KANK1: variants seen among roughly 807,000 people sequenced by gnomAD.
KANK1 encodes the protein KN motif and ankyrin repeat domains 1, also known as KN motif and ankyrin repeat domain-containing protein 1.
Under a neutral mutation model 106.2 loss-of-function variants are expected in KANK1, and 109 were observed. That is an observed-to-expected ratio of 1.03 (90% CI 0.88 to 1.20). The LOEUF (loss-of-function observed/expected upper bound fraction) is 1.20, where lower values mean the gene tolerates loss of function less well. KANK1 is among the 50% of genes most tolerant of loss of function. The pLI is 0.00. For missense variants in KANK1, 2,399 were observed against 1,710.7 expected (o/e 1.40, Z -7.10); for synonymous variants, 873 against 652.2 (o/e 1.34, Z -5.16).
chr9:650,256 T>TG (rs1283051205), intron 1 of KANK1, among the ~76,000 whole-genome samples: 1 of 152,218 alleles, frequency 6.6e-6, no homozygotes, highest in Non-Finnish European at 1.5e-5. Context: ...GATTGGCCTC[T>TG]GTGCTTATTA....
At chr9:686,176 C>G (rs1474049460) in intron 2 of KANK1, among the ~76,000 whole-genome samples, 2 of 152,202 alleles carry the variant, frequency 1.3e-5, no homozygotes, top group African/African-American at 4.8e-5. Flanking sequence ...CTCTCTTCCT[C>G]TGTTCTCAGT....
chr9:684,284 G>C, intron 2 of KANK1: 1 of 985,410 alleles, frequency 1.0e-6, no homozygotes, highest in Non-Finnish European at 1.2e-6. Context: ...GTGAGTACCA[G>C]CCTATTTGAG....
At chr9:500,888 A>G (rs931490038), upstream of KANK1, among the ~76,000 whole-genome samples, 4 of 152,210 alleles carry the variant, frequency 2.6e-5, no homozygotes, top group Non-Finnish European at 5.9e-5. Flanking sequence ...AGAAAGCTCT[A>G]TTATTGGAAA....
At chr9:601,115 T>G (rs1050091814) in intron 1 of KANK1, among the ~76,000 whole-genome samples, 4 of 151,820 alleles carry the variant, frequency 2.6e-5, no homozygotes, top group Non-Finnish European at 5.9e-5. Flanking sequence ...TTTAAAAACT[T>G]TTTATTTTGA....
At chr9:636,342 C>T (rs1837135530) in intron 1 of KANK1, among the ~76,000 whole-genome samples, 1 of 152,192 alleles carries the variant, frequency 6.6e-6, no homozygotes, top group African/African-American at 2.4e-5. Flanking sequence ...CTCATATTAG[C>T]ACTGCTGATC....
rs748924250 is a variant in KANK1, at chr9:561,305, CACTT to C, written c.-84+56552_-84+56555del. 5.3e-5 allele frequency among the ~76,000 whole-genome samples: 8 copies of C among 152,272 alleles called. No homozygotes were observed. In the East Asian group the frequency reaches 1.3e-3, roughly 26 times the overall value. On this transcript the variant is annotated intron_variant, in intron 1 of 11. Transcript: ENST00000382297. ...TGGATATCATATACTATTTAGTAAT[CACTT>C]TTTTCACTTGATAGAGCATGTATAT...
chr9:570,623 T>A (rs1488623001), intron 1 of KANK1, among the ~76,000 whole-genome samples: 1 of 152,242 alleles, frequency 6.6e-6, no homozygotes, highest in Non-Finnish European at 1.5e-5. Context: ...AAACTGAGCA[T>A]TGGAGACTTA....
chr9:606,614 G>A (rs62531540), intron 1 of KANK1, among the ~76,000 whole-genome samples: 39,817 of 83,266 alleles, frequency 0.48, 6,942 homozygotes, highest in Admixed American at 0.52. Context: ...GTGTGTGTGT[G>A]TATATATTTA....
intron 1 of KANK1, among the ~76,000 whole-genome samples, chr9:650,720 G>A (rs953538005): frequency 7.9e-5 from 12 of 152,048 alleles, no homozygotes; most frequent in Admixed American, 3.3e-4. Flanking sequence ...TAAAGCTTAA[G>A]TATTGTCCCC....
chr9:598,542 G>C (rs890713996), intron 1 of KANK1, among the ~76,000 whole-genome samples: 1 of 143,204 alleles, frequency 7.0e-6, no homozygotes, highest in Non-Finnish European at 1.5e-5. Flanking sequence ...GCAGTGTCTT[G>C]TAATTTCCAG....
chr9:554,686 C>G (rs2061476440), intron 1 of KANK1, among the ~76,000 whole-genome samples: 1 of 152,208 alleles, frequency 6.6e-6, no homozygotes, highest in South Asian at 2.1e-4. Context: ...ACGATGTTAA[C>G]ATCACTCATA....
chr9:512,520 C>G (rs1000996383), intron 1 of KANK1, among the ~76,000 whole-genome samples: 3 of 152,114 alleles, frequency 2.0e-5, no homozygotes, highest in Non-Finnish European at 2.9e-5. Flanking sequence ...AAATGTGAAT[C>G]TCATCCAAAA....
intron 7 of KANK1, among the ~76,000 whole-genome samples, chr9:736,697 C>CAAAAA (rs35527047): frequency 7.0e-6 from 1 of 142,338 alleles, no homozygotes. Flanking sequence ...GACACCCTCT[C>CAAAAA]AAAAAAAAAA....
intron 1 of KANK1, among the ~76,000 whole-genome samples, chr9:618,290 C>T (rs1391800144): frequency 6.6e-6 from 1 of 152,146 alleles, no homozygotes; most frequent in Admixed American, 6.5e-5. Context: ...CTCACTGCAA[C>T]CTCCACCTGC....
Position 712,577 on chromosome 9 carries a change from G to C in KANK1, c.1811G>C (p.Ser604Thr), listed in dbSNP as rs754470891. ...GAAGTCAGCGTCTGCGAAACAGGCA[G>C]CAACACAGAGGAGTCTGTGAACGAC... ...SVEVSVCETGSNTEESVNDLT... is the reference protein window; with the variant it reads ...SVEVSVCETGTNTEESVNDLT... Residue 604 changes from serine (S) to threonine (T), a missense_variant, in exon 3 of 12, where the codon AGC (serine) becomes ACC (threonine). Ser to Thr is a moderately conservative substitution (Grantham distance 58). Coordinates refer to ENST00000382297, the MANE Select transcript of KANK1 (RefSeq NM_015158.5). The C allele has an allele frequency of 2.5e-6, 4 of 1,614,198 alleles. No individual in the cohort carries two copies. The highest frequency in any genetic ancestry group is 3.4e-6 in the Non-Finnish European group (4 of 1,180,036).
chr9:688,933 CCACT>C (rs746542990), intron 2 of KANK1, among the ~76,000 whole-genome samples: 3 of 152,150 alleles, frequency 2.0e-5, no homozygotes, highest in Non-Finnish European at 4.4e-5. Flanking sequence ...TCCTTCTTTC[CCACT>C]GTTTTCTTGG....
chr9:493,256 T>G (rs1177783384), intron 3 of KANK1, among the ~76,000 whole-genome samples: 1 of 151,812 alleles, frequency 6.6e-6, no homozygotes, highest in Non-Finnish European at 1.5e-5. Context: ...CCATCCCCAC[T>G]TGGTCTGGAG....
intron 3 of KANK1, among the ~76,000 whole-genome samples, chr9:490,857 TATAAAC>T (rs1460707863): frequency 1.3e-4 from 19 of 151,272 alleles, no homozygotes; most frequent in African/African-American, 4.6e-4. Context: ...GGAAAACAAA[TATAAAC>T]ATAATAAATG....
chr9:693,154 G>A (rs1340389934), intron 2 of KANK1, among the ~76,000 whole-genome samples: 3 of 152,094 alleles, frequency 2.0e-5, no homozygotes, highest in Non-Finnish European at 2.9e-5. Flanking sequence ...AGGGAAGGAG[G>A]CTTGGGCCTA....
Sources: gnomAD v4.1 joint callset for allele counts (sites outside exome capture counted in the v4.1 genomes callset) on GRCh38, gnomAD v4.1.1 for gene constraint, MANE v1.5 for transcripts, NCBI Gene and HGNC (gene_info 2026-07-23, HGNC 2026-07-21) for gene names.